ACTN1: variants seen among roughly 807,000 people sequenced by gnomAD.
ACTN1 encodes the protein alpha-actinin-1.
In ACTN1, 30 loss-of-function variants were observed where a neutral mutation model predicts 119.6. The observed-to-expected ratio is 0.25, with a 90% CI of 0.19 to 0.34. ACTN1 has a LOEUF of 0.34. Among genes scored for constraint, ACTN1 ranks in the 10% least tolerant of loss-of-function variants. The pLI is 1.00. For synonymous variants in ACTN1, 429 were observed against 472.6 expected, an observed-to-expected ratio of 0.91 and a Z score of 1.20; for missense variants, 764 against 1,223.4, an observed-to-expected ratio of 0.62 and a Z score of 5.60.
intron 1 of ACTN1, among the ~76,000 whole-genome samples, chr14:68,960,006 G>GA (rs1458338266): frequency 2.0e-5 from 3 of 152,246 alleles, no homozygotes; most frequent in Middle Eastern, 6.8e-3. Context: ...GTAAGCTACA[G>GA]AAAAAAATGT....
At chr14:68,962,622 C>T (rs1165478726) in intron 1 of ACTN1, among the ~76,000 whole-genome samples, 1 of 152,200 alleles carries the variant, frequency 6.6e-6, no homozygotes, top group East Asian at 1.9e-4. Flanking sequence ...ACCATGCATC[C>T]CTTCTTTGGA....
chr14:68,888,725 C>T (rs987019454), intron 11 of ACTN1, among the ~76,000 whole-genome samples: 17 of 152,102 alleles, frequency 1.1e-4, no homozygotes, highest in Non-Finnish European at 2.2e-4. Context: ...GTGTCAGGGG[C>T]GGCACTGGAT....
At chr14:68,910,248 C>A (rs931694665) in intron 4 of ACTN1, among the ~76,000 whole-genome samples, 7 of 152,346 alleles carry the variant, frequency 4.6e-5, no homozygotes, top group Middle Eastern at 6.8e-3. Flanking sequence ...CTGTTCAGAG[C>A]TAGTCGTGTT....
intron 1 of ACTN1, among the ~76,000 whole-genome samples, chr14:68,969,079 C>A (rs2036795926): frequency 6.6e-6 from 1 of 152,170 alleles, no homozygotes; most frequent in Non-Finnish European, 1.5e-5. Flanking sequence ...GGGGGTGGCA[C>A]ACGGGCCCAC....
intron 1 of ACTN1, among the ~76,000 whole-genome samples, chr14:68,928,998 T>C (rs2035073128): frequency 6.6e-6 from 1 of 151,518 alleles, no homozygotes; most frequent in Non-Finnish European, 1.5e-5. Flanking sequence ...GGGGTGGAAC[T>C]GTGGCACATT....
chr14:68,888,469 G>A (rs553141248), intron 11 of ACTN1, among the ~76,000 whole-genome samples: 23 of 152,210 alleles, frequency 1.5e-4, no homozygotes, highest in Admixed American at 3.3e-4. Flanking sequence ...CTCCATACAC[G>A]CACAGTGGAT....
At position 68,946,568 on chromosome 14, in the gene ACTN1, A is replaced by C. The variant is rs921420931; in HGVS notation, c.106-20896T>G. Among the ~76,000 whole-genome samples the C allele has an allele frequency of 3.9e-5, 6 of 152,190 alleles. 1 individual carries two copies. The highest frequency in any genetic ancestry group is 1.4e-4 in the African/African-American group (6 of 41,456). On this transcript the variant is annotated intron_variant, in intron 1 of 21. Coordinates refer to ENST00000394419, the MANE Select transcript of ACTN1 (RefSeq NM_001130004.2). The stretch of plus-strand genomic sequence containing the variant: ...ACCAGCAGCCCTGAGGAGGAGTCCC[A>C]GCCCCTCCCGCTGGGTCCATGCTGC...
At chr14:68,906,339 T>C (rs1275700773) in intron 6 of ACTN1, among the ~76,000 whole-genome samples, 2 of 152,188 alleles carry the variant, frequency 1.3e-5, no homozygotes, top group African/African-American at 2.4e-5. Context: ...CTATTCTTGG[T>C]TCCCCAGACT....
intron 1 of ACTN1, among the ~76,000 whole-genome samples, chr14:68,932,851 C>G (rs949776745): frequency 6.6e-6 from 1 of 152,162 alleles, no homozygotes; most frequent in Non-Finnish European, 1.5e-5. Flanking sequence ...CTGGTAACAT[C>G]GCCCAACCCC....
chr14:68,884,437 T>G, intron 13 of ACTN1, 129 bp from the exon 14 acceptor site: 64 of 1,131,874 alleles, frequency 5.7e-5, no homozygotes, highest in Non-Finnish European at 7.0e-5. Context: ...GAACAAGCTC[T>G]TCCTGCCAGC....
chr14:68,954,488 G>A (rs1046920320), intron 1 of ACTN1, among the ~76,000 whole-genome samples: 5 of 151,826 alleles, frequency 3.3e-5, no homozygotes, highest in African/African-American at 7.3e-5. Flanking sequence ...CCACCGAACC[G>A]AGCTAATTTT....
chr14:68,974,953 A>G (rs996680839), intron 1 of ACTN1, among the ~76,000 whole-genome samples: 5 of 152,304 alleles, frequency 3.3e-5, no homozygotes, highest in African/African-American at 1.2e-4. Flanking sequence ...CAAGTCTTTG[A>G]GCCAGACTGA....
At chr14:68,943,447 T>C (rs2035830541) in intron 1 of ACTN1, among the ~76,000 whole-genome samples, 1 of 152,166 alleles carries the variant, frequency 6.6e-6, no homozygotes, top group South Asian at 2.1e-4. Flanking sequence ...ACGCCTGCTG[T>C]TGCCCACCAG....
intron 1 of ACTN1, among the ~76,000 whole-genome samples, chr14:68,971,054 T>A (rs1408764303): frequency 6.6e-6 from 1 of 152,238 alleles, no homozygotes; most frequent in East Asian, 1.9e-4. Context: ...TTCAATTCCA[T>A]ATAAGCCTTG....
chr14:68,922,205 A>G (rs2034687062), intron 2 of ACTN1, among the ~76,000 whole-genome samples: 1 of 152,116 alleles, frequency 6.6e-6, no homozygotes, highest in African/African-American at 2.4e-5. Flanking sequence ...CAGGTCGACA[A>G]TCTGGCTGCG....
intron 12 of ACTN1, 68 bp from the exon 13 acceptor site, chr14:68,884,951 G>T: frequency 7.4e-7 from 1 of 1,344,268 alleles, no homozygotes; most frequent in Admixed American, 1.7e-5. Context: ...CCCTCTCTCT[G>T]AGGCTGTCAG....
At chr14:68,910,231 T>C (rs1384293572) in intron 4 of ACTN1, among the ~76,000 whole-genome samples, 189 bp from the exon 5 acceptor site, 1 of 152,238 alleles carries the variant, frequency 6.6e-6, no homozygotes, top group African/African-American at 2.4e-5. Context: ...AAAAGCAAGC[T>C]GGGAAGCTGT....
intron 14 of ACTN1, among the ~76,000 whole-genome samples, chr14:68,883,781 AAAAAT>A (rs911210064): frequency 1.4e-4 from 21 of 152,140 alleles, no homozygotes; most frequent in African/African-American, 5.1e-4. Context: ...TTGTCTCTAA[AAAAAT>A]AAAATAAATA....
chr14:68,937,096 G>C (rs2035563378), intron 1 of ACTN1, among the ~76,000 whole-genome samples: 1 of 152,014 alleles, frequency 6.6e-6, no homozygotes, highest in South Asian at 2.1e-4. Context: ...ACAGTTATCA[G>C]CTTTCCTGCA....
Sources: gnomAD v4.1 joint callset for allele counts (sites outside exome capture counted in the v4.1 genomes callset) on GRCh38, gnomAD v4.1.1 for gene constraint, MANE v1.5 for transcripts, NCBI Gene and HGNC (gene_info 2026-07-23, HGNC 2026-07-21) for gene names.